ALDH1A1: variants seen among roughly 807,000 people sequenced by gnomAD.
ALDH1A1 encodes the protein aldehyde dehydrogenase 1 family member A1, also known as aldehyde dehydrogenase 1A1.
In ALDH1A1, 19 loss-of-function variants were observed where a neutral mutation model predicts 62.1. The observed-to-expected ratio is 0.31, with a 90% confidence interval of 0.21 to 0.45. ALDH1A1 has a LOEUF of 0.45. ALDH1A1 is among the 20% of genes least tolerant of loss of function. The pLI is 1.00. For missense variants in ALDH1A1, 521 were observed against 607.1 expected (o/e 0.86, Z 1.49); for synonymous variants, 231 against 215.9 (o/e 1.07, Z -0.61).
At chr9:72,903,314 C>A (rs1349255596) in intron 12 of ALDH1A1, among the ~76,000 whole-genome samples, 1 of 152,030 alleles carries the variant, frequency 6.6e-6, no homozygotes, top group Admixed American at 6.6e-5. Flanking sequence ...CCAGAGCCAA[C>A]ACTATGATCA....
At chr9:72,951,511 A>C (rs1365667687) in intron 1 of ALDH1A1, among the ~76,000 whole-genome samples, 4 of 149,398 alleles carry the variant, frequency 2.7e-5, no homozygotes. Flanking sequence ...AGTATTATTA[A>C]AAAAAAAATC....
intron 12 of ALDH1A1, among the ~76,000 whole-genome samples, chr9:72,902,072 C>T (rs1829811977): frequency 6.6e-6 from 1 of 152,006 alleles, no homozygotes; most frequent in South Asian, 2.1e-4. Flanking sequence ...ATACAACCTC[C>T]TCGTCCCCTA....
At chr9:72,926,414 C>T (rs1276588603) in intron 5 of ALDH1A1, among the ~76,000 whole-genome samples, 1 of 152,196 alleles carries the variant, frequency 6.6e-6, no homozygotes, top group Non-Finnish European at 1.5e-5. Flanking sequence ...CATTTCTTCA[C>T]ATAAGGACTT....
At chr9:72,908,613 AAG>A (rs1224252646) in intron 11 of ALDH1A1, among the ~76,000 whole-genome samples, 1 of 111,394 alleles carries the variant, frequency 9.0e-6, no homozygotes, top group African/African-American at 3.0e-5. Context: ...GAAAGAAAGA[AAG>A]AAAGAAAGAA....
chr9:72,923,224 C>T (rs114332665), intron 7 of ALDH1A1, among the ~76,000 whole-genome samples: 184 of 152,270 alleles, frequency 1.2e-3, no homozygotes, highest in African/African-American at 4.1e-3. Context: ...CACACCCTGC[C>T]TGGTCTCTTG....
rs201410457 is a variant in ALDH1A1 at position 72,929,052 on chromosome 9, A to G, written c.313-31T>C. ...AAACATGTCAAACACCAAATCTAAA[A>G]TTCCATAAGTTTTAGATTAAAAATA... On this transcript the variant is annotated intron_variant, in intron 3 of 12. Coordinates refer to ENST00000297785, the MANE Select transcript of ALDH1A1 (RefSeq NM_000689.5). 28 of 1,486,092 alleles carry G rather than the reference A, an allele frequency of 1.9e-5. No individual in the cohort carries two copies. The Middle Eastern group carries it at 7.0e-4, about 37-fold the overall frequency. The allele number at this position is 1,486,092 out of a possible 1,614,324, so 92.1% of individuals were successfully genotyped here.
At chr9:72,922,076 G>A (rs1830152718) in intron 7 of ALDH1A1, among the ~76,000 whole-genome samples, 1 of 152,116 alleles carries the variant, frequency 6.6e-6, no homozygotes, top group Admixed American at 6.5e-5. Context: ...ATTGGGACAG[G>A]AAGCTTTTTT....
chr9:72,951,289 T>G (rs1830542013), intron 1 of ALDH1A1, among the ~76,000 whole-genome samples: 1 of 151,844 alleles, frequency 6.6e-6, no homozygotes, highest in South Asian at 2.1e-4. Context: ...GGTCTGTGCT[T>G]GTATGTTAGA....
chr9:72,942,545 T>C (rs1240798905), intron 1 of ALDH1A1, among the ~76,000 whole-genome samples: 1 of 152,186 alleles, frequency 6.6e-6, no homozygotes. Flanking sequence ...GTCATCATAA[T>C]CTTCCTCAGA....
intron 1 of ALDH1A1, among the ~76,000 whole-genome samples, chr9:72,951,392 C>T (rs1830542841): frequency 6.6e-6 from 1 of 151,712 alleles, no homozygotes; most frequent in Admixed American, 6.6e-5. Flanking sequence ...AGGTTATTTA[C>T]ATTAGAGCTT....
chr9:72,938,586 A>G (rs1830374680), intron 2 of ALDH1A1, among the ~76,000 whole-genome samples: 1 of 152,106 alleles, frequency 6.6e-6, no homozygotes, highest in Admixed American at 6.5e-5. Flanking sequence ...AGCTGAAATT[A>G]CAGGCATGCG....
At chr9:72,937,226 AT>A (rs1830356924) in intron 2 of ALDH1A1, among the ~76,000 whole-genome samples, 2 of 152,236 alleles carry the variant, frequency 1.3e-5, no homozygotes, top group Non-Finnish European at 2.9e-5. Flanking sequence ...CGAATATAGT[AT>A]AGCATACTTA....
At chr9:72,919,082 T>A (rs1830101758) in intron 7 of ALDH1A1, among the ~76,000 whole-genome samples, 1 of 152,134 alleles carries the variant, frequency 6.6e-6, no homozygotes, top group African/African-American at 2.4e-5. Flanking sequence ...ATCTGGCACT[T>A]TTAGATATGT....
In ALDH1A1 at chr9:72,921,802, CAA is replaced by C. The variant is rs1298953053; in HGVS notation, c.747+2215_747+2216del. Among the ~76,000 whole-genome samples the C allele has an allele frequency of 3.3e-5, 5 of 151,616 alleles. No homozygotes were observed. The East Asian group carries it at 7.8e-4, about 24-fold the overall frequency. On this transcript the variant is annotated intron_variant, in intron 7 of 12. Transcript: ENST00000297785. ...TAAGACTGTCTTTGAGGATAATCAGCAAGAGAGAGAGACACATAAGGCAATAG... is the reference window on the plus strand; with the variant it reads ...TAAGACTGTCTTTGAGGATAATCAGCGAGAGAGAGACACATAAGGCAATAG...
At chr9:72,909,877 C>T in intron 10 of ALDH1A1, 118 bp from the exon 11 acceptor site, 4 of 831,790 alleles carry the variant, frequency 4.8e-6, no homozygotes, top group Non-Finnish European at 7.0e-6. Context: ...TGCTTCTCAT[C>T]TCAAACCTAT....
Position 72,917,039 on chromosome 9 carries a change from C to G in ALDH1A1, c.916G>C (p.Ala306Pro), listed in dbSNP as rs778276187. ...FYHQGQCCIA[A>P]SRIFVEESIY... is the part of the protein sequence containing the mutation. The stretch of plus-strand genomic sequence containing the variant: ...GATTCTTCCACAAAAATCCTGGATG[C>G]GGCTATACAACACTGGCCCTGGTGG... Residue 306 changes from alanine (A) to proline (P), a missense_variant, in exon 9 of 13, where the codon GCA (alanine) becomes CCA (proline). Physicochemically the swap from Ala to Pro is conservative, Grantham distance 27. Coordinates refer to ENST00000297785, the MANE Select transcript of ALDH1A1 (RefSeq NM_000689.5). The G allele has an allele frequency of 6.2e-7, 1 of 1,613,724 alleles. No individual in the cohort carries two copies. Among genetic ancestry groups the G allele is most frequent in the Non-Finnish European group, 8.5e-7 (1 of 1,179,780 alleles).
chr9:72,918,956 T>G (rs944786616), intron 7 of ALDH1A1, 134 bp from the exon 8 acceptor site: 8 of 614,762 alleles, frequency 1.3e-5, no homozygotes, highest in African/African-American at 5.6e-5. Flanking sequence ...GGCTTTTTTT[T>G]TTGAGACGAA....
At chr9:72,926,255 T>C (rs140115973) in intron 5 of ALDH1A1, among the ~76,000 whole-genome samples, 42 of 152,344 alleles carry the variant, frequency 2.8e-4, no homozygotes, top group Middle Eastern at 3.4e-3. Flanking sequence ...TGGTCTAGCA[T>C]AGACAAGTAG....
intron 11 of ALDH1A1, among the ~76,000 whole-genome samples, chr9:72,909,236 A>T (rs1829948096): frequency 7.6e-6 from 1 of 131,460 alleles, no homozygotes; most frequent in African/African-American, 2.9e-5. Flanking sequence ...ATCTCGGCTC[A>T]CTGCAACCTC....
Sources: allele counts gnomAD v4.1 joint callset (sites outside exome capture counted in the v4.1 genomes callset), GRCh38; gene constraint gnomAD v4.1.1; transcripts MANE v1.5; gene names NCBI Gene and HGNC (gene_info 2026-07-23, HGNC 2026-07-21).